The following MAP9 variants were observed in gnomAD, a reference collection of about 807,000 sequenced individuals.
MAP9 encodes microtubule associated protein 9.
MAP9 carries 80 observed loss-of-function variants against 75.2 expected under a neutral mutation model. That is an observed-to-expected ratio of 1.06 (90% CI 0.89 to 1.28). MAP9 has a LOEUF of 1.28. Ranked by LOEUF, MAP9 falls within the 50% of genes most tolerant of loss-of-function variation. MAP9 has a pLI of 0.00. For synonymous variants in MAP9, 235 were observed against 237.3 expected (o/e 0.99, Z 0.09); for missense variants, 753 against 719.9 (o/e 1.05, Z -0.53).
Position 155,362,048 on chromosome 4 carries a change from C to T in MAP9, c.802G>A (p.Asp268Asn). ...AGATATAATTATTAGATATAACCAC[C>T]TTTTCCAGATGCGTTTCCCTCAGAT... ...PGSEGNASGK[D>N]PNEEITENHN... Residue 268 changes from aspartate (D) to asparagine (N), a missense_variant and splice_region_variant, in exon 6 of 14, where the codon GAT (aspartate) becomes AAT (asparagine). Coordinates refer to ENST00000311277, the MANE Select transcript of MAP9 (RefSeq NM_001039580.2). 1.9e-6 allele frequency: 3 copies of T among 1,577,778 alleles called. No individual in the cohort carries two copies. The highest frequency in any genetic ancestry group is 2.6e-6 in the Non-Finnish European group (3 of 1,155,780).
intron 5 of MAP9, among the ~76,000 whole-genome samples, chr4:155,363,709 A>C (rs1380870557): frequency 1.3e-5 from 2 of 152,184 alleles, no homozygotes. Context: ...GGGCCATTAA[A>C]ACAAAACAAA....
intron 12 of MAP9, 65 bp from the exon 13 acceptor site, chr4:155,352,793 C>T: frequency 7.0e-7 from 1 of 1,430,136 alleles, no homozygotes; most frequent in African/African-American, 1.4e-5. Context: ...TTCCCTAGTA[C>T]ATCTTTGACA....
At position 155,355,052 on chromosome 4, in the gene MAP9, C is replaced by G. The variant is rs1404583909; in HGVS notation, c.1380+19G>C. 1 of 1,144,506 alleles carries G rather than the reference C, an allele frequency of 8.7e-7. No homozygotes were observed. Among genetic ancestry groups the G allele is most frequent in the Non-Finnish European group, 1.2e-6 (1 of 809,426 alleles). The allele number at this position is 1,144,506 out of a possible 1,614,324, so 70.9% of individuals were successfully genotyped here. ...GAAATAAAAATCCAAAACATTTTTA[C>G]TTCTATATGTCAGAATACCTGTTCA... is the stretch of plus-strand genomic sequence containing the variant. On this transcript the variant is annotated intron_variant, in intron 10 of 13. Transcript: ENST00000311277.
chr4:155,352,728 C>T lies in MAP9; in HGVS notation c.1689G>A (p.Trp563Ter), dbSNP rs958058502. Reference protein sequence around the residue: ...KKDNLTAVEKWNEKKEAFFKQ... With the variant: ...KKDNLTAVEK The stretch of plus-strand genomic sequence containing the variant: ...TGAAAAAAGCTTCCTTTTTTTCATT[C>T]CTATAGAGCATAGTATAAAACACTG... Residue 563 changes from tryptophan to a stop codon, truncating the protein, a stop_gained and splice_region_variant, in exon 13 of 14, where the codon TGG becomes TGA. Coordinates refer to ENST00000311277, the MANE Select transcript of MAP9 (RefSeq NM_001039580.2). LOFTEE classifies it high-confidence loss of function. 1.7e-5 allele frequency: 25 copies of T among 1,486,188 alleles called. No homozygotes were observed. The highest frequency in any genetic ancestry group is 2.1e-5 in the Non-Finnish European group (23 of 1,100,390). 92.1% of individuals were successfully genotyped at this position (1,486,188 alleles called of 1,614,324 possible).
intron 13 of MAP9, among the ~76,000 whole-genome samples, chr4:155,348,984 GAAAC>G (rs1486761279): frequency 1.1e-5 from 1 of 91,900 alleles, no homozygotes; most frequent in Non-Finnish European, 2.1e-5. Context: ...AAAATGGACA[GAAAC>G]AAAGAAAATA....
At position 155,343,944 on chromosome 4, in the gene MAP9, T is replaced by C. The variant is rs757291311; in HGVS notation, c.*3839A>G. The C allele has an allele frequency of 3.9e-5, 6 of 151,944 alleles. No homozygotes were observed. Among genetic ancestry groups the C allele is most frequent in the Non-Finnish European group, 7.4e-5 (5 of 67,822 alleles). 9.4% of individuals were successfully genotyped at this position (151,944 alleles called of 1,614,324 possible). A position where few individuals can be genotyped will look rare whatever the true frequency, so the allele number is the denominator to read the frequency against. On this transcript the variant is annotated 3_prime_UTR_variant, in exon 14 of 14. Coordinates refer to ENST00000311277, the MANE Select transcript of MAP9 (RefSeq NM_001039580.2). ...CCAGTGTAAATGCAAACTAGGAAAG[T>C]TGATATCTTTCTTTTATGTAAAAGG...
intron 7 of MAP9, among the ~76,000 whole-genome samples, chr4:155,358,539 G>C (rs1025627338): frequency 5.3e-5 from 8 of 152,220 alleles, no homozygotes; most frequent in African/African-American, 1.9e-4. Context: ...AACACACAGA[G>C]CTGCTAGCTA....
chr4:155,376,050 T>C, intron 1 of MAP9, 136 bp from the exon 2 acceptor site: 1 of 413,660 alleles, frequency 2.4e-6, no homozygotes, highest in Middle Eastern at 6.3e-4. Context: ...AAAAAGGTTC[T>C]TGTAAAGAAA....
At chr4:155,355,983 A>G (rs1040687350) in intron 8 of MAP9, 99 bp from the exon 9 acceptor site, 1 of 1,072,368 alleles carries the variant, frequency 9.3e-7, no homozygotes, top group African/African-American at 1.6e-5. Context: ...AAAACTGGCC[A>G]GGCATGATGG....
intron 5 of MAP9, among the ~76,000 whole-genome samples, chr4:155,364,631 A>G (rs1732243446): frequency 6.7e-6 from 1 of 149,774 alleles, no homozygotes. Flanking sequence ...TAATTTTTTA[A>G]AAGTCTAATA....
At chr4:155,360,444 A>G in intron 6 of MAP9, 29 bp from the exon 7 acceptor site, 1 of 1,584,048 alleles carries the variant, frequency 6.3e-7, no homozygotes, top group Non-Finnish European at 8.6e-7. Context: ...ATAGCATTAA[A>G]ACCCCCTTCT....
Position 155,375,863 on chromosome 4 carries a change from C to T in MAP9, c.-13G>A. 6.3e-7 allele frequency: 1 copy of T among 1,577,130 alleles called. No individual in the cohort carries two copies. The highest frequency in any genetic ancestry group is 8.7e-7 in the Non-Finnish European group (1 of 1,150,774). On this transcript the variant is annotated 5_prime_UTR_variant, in exon 2 of 14. Coordinates refer to ENST00000311277, the MANE Select transcript of MAP9 (RefSeq NM_001039580.2). ...CTTCATCAGACATAGTGTATTTTTTCTCGTTACCTTTATAAAATAGCTAAT... is the reference window on the plus strand; with the variant it reads ...CTTCATCAGACATAGTGTATTTTTTTTCGTTACCTTTATAAAATAGCTAAT...
chr4:155,348,331 T>G (rs1731360247), intron 13 of MAP9, among the ~76,000 whole-genome samples: 1 of 151,898 alleles, frequency 6.6e-6, no homozygotes, highest in East Asian at 1.9e-4. Context: ...AGTGAGACCC[T>G]GTCTCAAAAA....
rs766552671 is a variant in MAP9, at chr4:155,357,562, T to C, written c.1051-43A>G. ...CCAAAGATGATTTATTCATGACAAC[T>C]ATCCTTTTTAGGCTTAGAAGCCAAA... is the stretch of plus-strand genomic sequence containing the variant. On this transcript the variant is annotated intron_variant, in intron 7 of 13. Transcript: ENST00000311277. 5 of 1,212,378 alleles carry C rather than the reference T, an allele frequency of 4.1e-6. No individual in the cohort carries two copies. In the Admixed American group the frequency reaches 5.2e-5, roughly 13 times the overall value. 75.1% of individuals were successfully genotyped at this position (1,212,378 alleles called of 1,614,324 possible).
intron 4 of MAP9, among the ~76,000 whole-genome samples, chr4:155,370,391 G>A (rs139277686): frequency 2.2e-3 from 330 of 152,080 alleles, no homozygotes; most frequent in Non-Finnish European, 3.5e-3. Flanking sequence ...AACATAAAAC[G>A]GATTTTATGG....
chr4:155,359,767 G>C (rs1301627588), intron 7 of MAP9, among the ~76,000 whole-genome samples: 2 of 151,940 alleles, frequency 1.3e-5, no homozygotes, highest in East Asian at 3.9e-4. Flanking sequence ...ATTTCTTTAA[G>C]ATTTTTGTTA....
chr4:155,357,417 C>G (rs761220234), intron 8 of MAP9, 32 bp downstream of exon 8: 9 of 1,290,710 alleles, frequency 7.0e-6, no homozygotes, highest in Non-Finnish European at 1.0e-5. Flanking sequence ...GAATGCAAGC[C>G]CATAAATGAC....
Position 155,343,471 on chromosome 4 carries a change from AATTATATT to A in MAP9, c.*4304_*4311del, listed in dbSNP as rs902253581. 3.9e-4 allele frequency: 59 copies of A among 151,512 alleles called. No homozygotes were observed. Among genetic ancestry groups the A allele is most frequent in the African/African-American group, 1.4e-3 (57 of 41,378 alleles). The allele number at this position is 151,512 out of a possible 1,614,324, so 9.4% of individuals were successfully genotyped here. A position where few individuals can be genotyped will look rare whatever the true frequency, so the allele number is the denominator to read the frequency against. On this transcript the variant is annotated 3_prime_UTR_variant, in exon 14 of 14. Coordinates refer to ENST00000311277, the MANE Select transcript of MAP9 (RefSeq NM_001039580.2). ...TTTTCTAATTATTTAATAATTATAT[AATTATATT>A]ATCTCTCTCTGTAATTTGTGTAGTA...
At position 155,360,358 on chromosome 4, in the gene MAP9, T is replaced by C. The variant is rs1466125370; in HGVS notation, c.860A>G (p.Glu287Gly). Reference protein sequence around the residue: ...HNSLKSDENKENSFSADHVTT... With the variant: ...HNSLKSDENKGNSFSADHVTT... ...CACATGGTCTGCTGAAAATGAATTC[T>C]CTTTATTTTCATCTGATTTCAAGGA... The change falls in exon 7 of 14, where the codon GAG becomes GGG. Residue 287 changes from glutamate to glycine, a missense_variant. Glu to Gly is a moderately conservative substitution (Grantham distance 98). Coordinates refer to ENST00000311277, the MANE Select transcript of MAP9 (RefSeq NM_001039580.2). The C allele has an allele frequency of 1.2e-6, 2 of 1,611,692 alleles. No individual in the cohort carries two copies. Among genetic ancestry groups the C allele is most frequent in the East Asian group, 2.2e-5 (1 of 44,804 alleles).
Sources: gnomAD v4.1 joint callset for allele counts (sites outside exome capture counted in the v4.1 genomes callset) on GRCh38, gnomAD v4.1.1 for gene constraint, MANE v1.5 for transcripts, NCBI Gene and HGNC (gene_info 2026-07-23, HGNC 2026-07-21) for gene names.